The following PLEKHA8 variants were observed in gnomAD, a reference collection of about 807,000 sequenced individuals.
PLEKHA8 encodes pleckstrin homology domain containing A8.
In PLEKHA8, 36 loss-of-function variants were observed where a neutral mutation model predicts 68.2. That is an observed-to-expected ratio of 0.53 (90% CI 0.40 to 0.70). The LOEUF is 0.70. PLEKHA8 is among the 30% of genes least tolerant of loss of function. The pLI, the probability that PLEKHA8 is intolerant of heterozygous loss-of-function variation, is 0.00. For synonymous variants in PLEKHA8, 211 were observed against 216.1 expected (o/e 0.98, Z 0.20); for missense variants, 505 against 615.4 (o/e 0.82, Z 1.90).
At chr7:30,115,098 T>C (rs1796385713) in intron 13 of PLEKHA8, among the ~76,000 whole-genome samples, 1 of 152,158 alleles carries the variant, frequency 6.6e-6, no homozygotes, top group Non-Finnish European at 1.5e-5. Context: ...CTTCTCTCTT[T>C]GTTACTGACA....
At chr7:30,066,784 G>A (rs574004566) in intron 12 of PLEKHA8, among the ~76,000 whole-genome samples, 1 of 152,226 alleles carries the variant, frequency 6.6e-6, no homozygotes, top group African/African-American at 2.4e-5. Flanking sequence ...TCCCATAAAT[G>A]TCAGTAAAAG....
At chr7:30,051,556 C>G (rs572075767) in intron 6 of PLEKHA8, among the ~76,000 whole-genome samples, 3 of 152,002 alleles carry the variant, frequency 2.0e-5, no homozygotes, top group East Asian at 3.9e-4. Context: ...TTCCTTTAAC[C>G]GATAGAATTA....
At chr7:30,077,714 G>A (rs1794696459) in intron 13 of PLEKHA8, among the ~76,000 whole-genome samples, 1 of 152,090 alleles carries the variant, frequency 6.6e-6, no homozygotes, top group African/African-American at 2.4e-5. Context: ...GATTCTCAAA[G>A]ACTTTCAAAG....
At chr7:30,103,140 T>C (rs1229074760) in intron 13 of PLEKHA8, among the ~76,000 whole-genome samples, 2 of 152,218 alleles carry the variant, frequency 1.3e-5, no homozygotes, top group East Asian at 3.8e-4. Flanking sequence ...TATCGTATAA[T>C]GTTTACAGAA....
downstream of PLEKHA8, among the ~76,000 whole-genome samples, chr7:30,087,826 C>T (rs747043407): frequency 1.3e-5 from 2 of 152,216 alleles, no homozygotes; most frequent in Non-Finnish European, 2.9e-5. Context: ...GATTTTACCT[C>T]TAAACATTCC....
chr7:30,039,576 T>G (rs1791366423), intron 1 of PLEKHA8, among the ~76,000 whole-genome samples: 3 of 152,240 alleles, frequency 2.0e-5, no homozygotes, highest in Admixed American at 2.0e-4. Context: ...CTTTTTGATG[T>G]TATCGTAAAT....
In PLEKHA8 at chr7:30,083,377, A is replaced by G. The variant is rs1317280471; in HGVS notation, c.*4590A>G. ...TGGTATTTTAAGACTGTTTATCTGT[A>G]TCACAACGTCATTAGGAGTTCTTTC... On this transcript the variant is annotated 3_prime_UTR_variant, in exon 14 of 14. Coordinates refer to ENST00000449726, the MANE Select transcript of PLEKHA8 (RefSeq NM_001197026.2). 2.9e-5 allele frequency: 29 copies of G among 983,850 alleles called. No homozygotes were observed. The highest frequency in any genetic ancestry group is 6.1e-5 in the Admixed American group (1 of 16,262). The allele number at this position is 983,850 out of a possible 1,614,324, so 60.9% of individuals were successfully genotyped here.
chr7:30,087,504 C>T (rs137882483), downstream of PLEKHA8, among the ~76,000 whole-genome samples: 145 of 152,308 alleles, frequency 9.5e-4, no homozygotes, highest in African/African-American at 3.5e-3. Context: ...CCATCCAAGT[C>T]AGTTGAGTCA....
intron 13 of PLEKHA8, among the ~76,000 whole-genome samples, chr7:30,106,663 G>A (rs1796067788): frequency 6.6e-6 from 1 of 152,098 alleles, no homozygotes. Flanking sequence ...ATATCTGTGG[G>A]TTGCACTTAA....
chr7:30,060,812 A>T (rs1343229987), intron 9 of PLEKHA8, 72 bp from the exon 10 acceptor site: 15 of 1,220,738 alleles, frequency 1.2e-5, no homozygotes. Context: ...TAAATTTATT[A>T]TTACTTTATT....
At chr7:30,095,933 T>C (rs1268777270) in intron 13 of PLEKHA8, among the ~76,000 whole-genome samples, 2 of 152,230 alleles carry the variant, frequency 1.3e-5, no homozygotes, top group African/African-American at 4.8e-5. Context: ...TGTAGCCTTG[T>C]AGTATAGTTT....
intron 13 of PLEKHA8, among the ~76,000 whole-genome samples, chr7:30,097,731 A>AT (rs974272321): frequency 3.9e-5 from 6 of 151,976 alleles, no homozygotes; most frequent in Admixed American, 2.0e-4. Flanking sequence ...CGTTTGTCTA[A>AT]TTTTTTTGCA....
chr7:30,084,748 C>T (rs981586044), downstream of PLEKHA8: 1 of 627,842 alleles, frequency 1.6e-6, no homozygotes, highest in African/African-American at 2.0e-5. Flanking sequence ...GGGCATCAGT[C>T]TAAGCCGTTT....
chr7:30,076,935 G>T (rs1490289614), intron 13 of PLEKHA8, among the ~76,000 whole-genome samples: 1 of 152,154 alleles, frequency 6.6e-6, no homozygotes, highest in Non-Finnish European at 1.5e-5. Context: ...TAATCTTTCA[G>T]CAGTTATACT....
At chr7:30,049,738 C>T (rs1792259167) in intron 5 of PLEKHA8, among the ~76,000 whole-genome samples, 1 of 152,156 alleles carries the variant, frequency 6.6e-6, no homozygotes, top group African/African-American at 2.4e-5. Flanking sequence ...CTAAGCGTTT[C>T]CAGTGGCTCC....
chr7:30,124,881 G>A (rs1796747982), intron 13 of PLEKHA8, among the ~76,000 whole-genome samples: 1 of 151,226 alleles, frequency 6.6e-6, no homozygotes, highest in Non-Finnish European at 1.5e-5. Flanking sequence ...AATATGTTCT[G>A]ATAAGTTTTT....
intron 1 of PLEKHA8, among the ~76,000 whole-genome samples, chr7:30,034,386 G>A (rs1342185467): frequency 3.3e-5 from 5 of 152,080 alleles, no homozygotes; most frequent in African/African-American, 1.2e-4. Flanking sequence ...AATAATGCAG[G>A]AGTTGGGGCA....
chr7:30,082,526 C>T lies in PLEKHA8; in HGVS notation c.*3739C>T. ...AGCGGGTGAATGACATGACATGGGG[C>T]ACCTAGGAAAGATGATTATTAGAGG... On this transcript the variant is annotated 3_prime_UTR_variant, in exon 14 of 14. Transcript: ENST00000449726. The T allele has an allele frequency of 1.0e-6, 1 of 985,328 alleles. No individual in the cohort carries two copies. Among genetic ancestry groups the T allele is most frequent in the Non-Finnish European group, 1.2e-6 (1 of 829,908 alleles). The allele number at this position is 985,328 out of a possible 1,614,324, so 61.0% of individuals were successfully genotyped here. A position where few individuals can be genotyped will look rare whatever the true frequency, so the allele number is the denominator to read the frequency against.
At chr7:30,115,268 A>T (rs1164988562) in intron 13 of PLEKHA8, among the ~76,000 whole-genome samples, 1 of 152,080 alleles carries the variant, frequency 6.6e-6, no homozygotes, top group Non-Finnish European at 1.5e-5. Context: ...TCCACCCTTT[A>T]AAAAAAGTAT....
Sources: gnomAD v4.1 joint callset for allele counts (sites outside exome capture counted in the v4.1 genomes callset) on GRCh38, gnomAD v4.1.1 for gene constraint, MANE v1.5 for transcripts, NCBI Gene and HGNC (gene_info 2026-07-23, HGNC 2026-07-21) for gene names.